The following TMEM117 variants were observed in gnomAD, a reference collection of about 807,000 sequenced individuals.
The protein encoded by TMEM117 is transmembrane protein 117.
A neutral mutation model predicts 52.4 loss-of-function variants in TMEM117; 27 were observed. The ratio of observed to expected loss-of-function variants is 0.51; its 90% CI spans 0.38 to 0.71. The LOEUF is 0.71. Among genes scored for constraint, TMEM117 ranks in the 30% least tolerant of loss-of-function variants. The probability of loss-of-function intolerance (pLI) is 0.00; values close to 1 mark genes in which losing one functional copy is unlikely to be tolerated. For missense variants in TMEM117, 556 were observed against 630.5 expected (o/e 0.88, Z 1.26); for synonymous variants, 215 against 206.3 (o/e 1.04, Z -0.36).
chr12:44,131,472 A>G (rs1173907408), intron 3 of TMEM117, among the ~76,000 whole-genome samples: 2 of 151,968 alleles, frequency 1.3e-5, no homozygotes, highest in Non-Finnish European at 2.9e-5. Context: ...TTGTGGGGTG[A>G]GTTTTTCTCT....
At chr12:44,359,300 T>A (rs947173112) in intron 6 of TMEM117, among the ~76,000 whole-genome samples, 60 of 152,042 alleles carry the variant, frequency 3.9e-4, no homozygotes, top group African/African-American at 1.3e-3. Flanking sequence ...TAAAATAATA[T>A]ACAAATACTT....
At chr12:44,387,946 A>G in intron 7 of TMEM117, 80 bp from the exon 8 acceptor site, 1 of 1,240,968 alleles carries the variant, frequency 8.1e-7, no homozygotes, top group Non-Finnish European at 1.1e-6. Context: ...TTATTATACC[A>G]TTATCCTCAT....
intron 3 of TMEM117, among the ~76,000 whole-genome samples, chr12:43,986,530 G>A (rs191771697): frequency 4.5e-4 from 68 of 152,052 alleles, no homozygotes; most frequent in Middle Eastern, 6.8e-3. Flanking sequence ...TGTATTTGAA[G>A]TTCTGCACTT....
chr12:44,183,745 AG>A (rs1949237771), intron 4 of TMEM117, among the ~76,000 whole-genome samples: 1 of 152,152 alleles, frequency 6.6e-6, no homozygotes, highest in South Asian at 2.1e-4. Context: ...GAGGTGGGAA[AG>A]GGGGCGGGAC....
chr12:43,877,241 G>A (rs954998809), intron 2 of TMEM117, among the ~76,000 whole-genome samples: 1 of 152,150 alleles, frequency 6.6e-6, no homozygotes, highest in African/African-American at 2.4e-5. Flanking sequence ...TTTCCAGGTT[G>A]TCCTATGAAC....
rs112990970 is a variant in TMEM117, at chr12:43,914,349, G to A, written c.278-29861G>A. Among the ~76,000 whole-genome samples the A allele has an allele frequency of 9.2e-5, 14 of 151,996 alleles. No homozygotes were observed. In the East Asian group the frequency reaches 2.1e-3, roughly 23 times the overall value. ...GTCTGCTAAGAAACTTAGCTCTAATGAACCCGCTCCTCAGTCTTCCCCTAG... is the reference window on the plus strand; with the variant it reads ...GTCTGCTAAGAAACTTAGCTCTAATAAACCCGCTCCTCAGTCTTCCCCTAG... On this transcript the variant is annotated intron_variant, in intron 2 of 7. Coordinates refer to ENST00000266534, the MANE Select transcript of TMEM117 (RefSeq NM_032256.3).
chr12:44,116,786 C>T (rs1425558675), intron 3 of TMEM117, among the ~76,000 whole-genome samples: 1 of 152,190 alleles, frequency 6.6e-6, no homozygotes, highest in Non-Finnish European at 1.5e-5. Context: ...CATCCTCATC[C>T]TACAAATTCT....
chr12:43,813,691 T>C, the TMEM117 span, among the ~76,000 whole-genome samples: 1 of 152,148 alleles, frequency 6.6e-6, no homozygotes, highest in Non-Finnish European at 1.5e-5. Context: ...GAAGCTCATT[T>C]CAAGGCCCTT....
chr12:43,985,430 A>G (rs1945832879), intron 3 of TMEM117, among the ~76,000 whole-genome samples: 1 of 152,226 alleles, frequency 6.6e-6, no homozygotes, highest in African/African-American at 2.4e-5. Context: ...AAAACAAAAT[A>G]GCTGGGTTAT....
intron 5 of TMEM117, among the ~76,000 whole-genome samples, chr12:44,265,368 T>C (rs1281376838): frequency 6.6e-6 from 1 of 152,086 alleles, no homozygotes; most frequent in Non-Finnish European, 1.5e-5. Context: ...GACACACTAC[T>C]GGAAGAAGTG....
At chr12:44,395,678 T>A in the TMEM117 span, among the ~76,000 whole-genome samples, 1 of 152,240 alleles carries the variant, frequency 6.6e-6, no homozygotes, top group African/African-American at 2.4e-5. Context: ...CAGACATGTT[T>A]CAGCAAGAGG....
intron 1 of TMEM117, among the ~76,000 whole-genome samples, chr12:43,842,220 G>A (rs975325393): frequency 6.6e-6 from 1 of 152,134 alleles, no homozygotes; most frequent in Non-Finnish European, 1.5e-5. Flanking sequence ...TCTCTTTGAT[G>A]TGAGAGTCAC....
intron 3 of TMEM117, among the ~76,000 whole-genome samples, chr12:44,036,651 G>A (rs1449082124): frequency 6.6e-6 from 1 of 152,098 alleles, no homozygotes; most frequent in Admixed American, 6.5e-5. Context: ...AAGTCTTGTT[G>A]TTTGTAGTTT....
At chr12:43,972,368 T>G (rs781112013) in intron 3 of TMEM117, among the ~76,000 whole-genome samples, 2 of 152,200 alleles carry the variant, frequency 1.3e-5, no homozygotes, top group African/African-American at 2.4e-5. Flanking sequence ...AATGAAGCCG[T>G]GGACCTTTGC....
intron 3 of TMEM117, among the ~76,000 whole-genome samples, chr12:44,033,832 C>T (rs1946671084): frequency 6.6e-6 from 1 of 152,190 alleles, no homozygotes; most frequent in African/African-American, 2.4e-5. Context: ...GGATAGTGGA[C>T]TAGACAGTAT....
chr12:43,929,677 C>CAGT (rs1944840842), intron 2 of TMEM117, among the ~76,000 whole-genome samples: 1 of 152,254 alleles, frequency 6.6e-6, no homozygotes, highest in African/African-American at 2.4e-5. Flanking sequence ...TCCTTCCATA[C>CAGT]ATTCACACAA....
At chr12:43,975,658 G>A (rs917917946) in intron 3 of TMEM117, among the ~76,000 whole-genome samples, 1 of 152,126 alleles carries the variant, frequency 6.6e-6, no homozygotes, top group Non-Finnish European at 1.5e-5. Flanking sequence ...CTACTTCATA[G>A]GATTAGTGTG....
chr12:44,199,537 A>C (rs1949465415), intron 4 of TMEM117, among the ~76,000 whole-genome samples: 1 of 152,182 alleles, frequency 6.6e-6, no homozygotes, highest in Admixed American at 6.5e-5. Context: ...ATATCAACCA[A>C]GTCAGGAAAA....
intron 3 of TMEM117, among the ~76,000 whole-genome samples, chr12:43,953,295 G>A (rs540635708): frequency 1.2e-4 from 18 of 152,084 alleles, no homozygotes; most frequent in African/African-American, 3.9e-4. Context: ...AAATTCATAC[G>A]TAATAATATT....
Sources: allele counts gnomAD v4.1 joint callset (sites outside exome capture counted in the v4.1 genomes callset), GRCh38; gene constraint gnomAD v4.1.1; transcripts MANE v1.5; gene names NCBI Gene and HGNC (gene_info 2026-07-23, HGNC 2026-07-21).